The following TRMT10B variants were observed in gnomAD, a reference collection of about 807,000 sequenced individuals.
The protein encoded by TRMT10B is tRNA methyltransferase 10 homolog B.
A neutral mutation model predicts 43.8 loss-of-function variants in TRMT10B; 33 were observed. The observed-to-expected ratio is 0.75, with a 90% CI of 0.57 to 1.01. The LOEUF (loss-of-function observed/expected upper bound fraction) is 1.01, where lower values mean the gene tolerates loss of function less well. Ranked by LOEUF, TRMT10B falls within the 50% of genes least tolerant of loss-of-function variation. The pLI is 0.00. For missense variants in TRMT10B, 362 were observed against 369.8 expected (o/e 0.98, Z 0.17); for synonymous variants, 137 against 130.6 (o/e 1.05, Z -0.34).
chr9:37,775,960 C>G (rs1004309937), intron 7 of TRMT10B, among the ~76,000 whole-genome samples: 1 of 152,198 alleles, frequency 6.6e-6, no homozygotes, highest in Non-Finnish European at 1.5e-5. Flanking sequence ...TTCCAGATAT[C>G]CAGAATTGGG....
In TRMT10B at chr9:37,768,064, A is replaced by G; in HGVS notation, c.421-12A>G. 1 of 1,612,848 alleles carries G rather than the reference A, an allele frequency of 6.2e-7. No homozygotes were observed. The highest frequency in any genetic ancestry group is 2.2e-5 in the East Asian group (1 of 44,862). ...CATGTTTTTGCCCTGAGTTGTTCTT[A>G]TTTCTTTGAAGGAATTAAGTAGACT... On this transcript the variant is annotated splice_polypyrimidine_tract_variant and intron_variant, in intron 4 of 8. Coordinates refer to ENST00000297994, the MANE Select transcript of TRMT10B (RefSeq NM_144964.4).
chr9:37,769,949 A>G lies in TRMT10B; in HGVS notation c.582A>G (p.Ile194Met). The G allele has an allele frequency of 6.2e-7, 1 of 1,614,090 alleles. No homozygotes were observed. Among genetic ancestry groups the G allele is most frequent in the Non-Finnish European group, 8.5e-7 (1 of 1,179,944 alleles). The change falls in exon 6 of 9, where the codon ATA becomes ATG. Residue 194 changes from isoleucine (I) to methionine (M), a missense_variant. By Grantham distance (10) the Ile-to-Met change is conservative. Transcript: ENST00000297994. ...NDGFSSYLLD[I>M]TEEDCFSLFP... ...CTGTTTGCATTTTCCAGTTAGACAT[A>G]ACAGAAGAAGACTGCTTTAGTTTAT...
chr9:37,777,439 A>C (rs1357725699), intron 8 of TRMT10B, among the ~76,000 whole-genome samples, 162 bp from the exon 9 acceptor site: 1 of 151,168 alleles, frequency 6.6e-6, no homozygotes, highest in Non-Finnish European at 1.5e-5. Flanking sequence ...GAGGTCCTTG[A>C]GAGCAAGCAG....
Position 37,763,693 on chromosome 9 carries a change from C to T in TRMT10B, c.360C>T (p.Ala120=), listed in dbSNP as rs140247488. The T allele has an allele frequency of 6.2e-7, 1 of 1,614,014 alleles. No individual in the cohort carries two copies. The highest frequency in any genetic ancestry group is 8.5e-7 in the Non-Finnish European group (1 of 1,180,018). Residue 120 remains alanine, a synonymous_variant, in exon 4 of 9, where the codon GCC becomes GCT. Coordinates refer to ENST00000297994, the MANE Select transcript of TRMT10B (RefSeq NM_144964.4). ...TAACCAAAGACAAACTTTTGGAAGC[C>T]AAACACTCAGGACCAAGACTATGTA... The part of the protein sequence containing the change: ...RALTKDKLLE[A]KHSGPRLCID...
chr9:37,758,521 T>C (rs1161442599), intron 1 of TRMT10B, among the ~76,000 whole-genome samples: 2 of 152,216 alleles, frequency 1.3e-5, no homozygotes, highest in African/African-American at 4.8e-5. Context: ...ACCTTGACCA[T>C]ATAAAATTAA....
chr9:37,770,103 CAAG>C (rs926924497), intron 6 of TRMT10B, 84 bp downstream of exon 6: 21 of 1,223,746 alleles, frequency 1.7e-5, no homozygotes, highest in African/African-American at 1.5e-4. Flanking sequence ...TAAAGCCCCT[CAAG>C]AAGGACACCC....
intron 7 of TRMT10B, among the ~76,000 whole-genome samples, chr9:37,771,248 C>T (rs1033022576): frequency 7.2e-5 from 11 of 152,222 alleles, no homozygotes; most frequent in African/African-American, 2.6e-4. Flanking sequence ...TATTTACTAA[C>T]ATATTACATA....
chr9:37,777,193 T>TA (rs1564007716), intron 8 of TRMT10B, among the ~76,000 whole-genome samples: 1 of 14,256 alleles, frequency 7.0e-5, no homozygotes, highest in African/African-American at 4.3e-4. Context: ...CAACTCCGCC[T>TA]CAAAAAAAAA....
intron 1 of TRMT10B, among the ~76,000 whole-genome samples, chr9:37,759,546 G>C (rs1361533340): frequency 6.6e-6 from 1 of 152,232 alleles, no homozygotes; most frequent in Non-Finnish European, 1.5e-5. Flanking sequence ...GGCTGGGTGT[G>C]GTGGCTCACG....
At chr9:37,776,755 C>T (rs1027924041) in intron 8 of TRMT10B, among the ~76,000 whole-genome samples, 1 of 151,788 alleles carries the variant, frequency 6.6e-6, no homozygotes, top group Admixed American at 6.6e-5. Context: ...AAAAATCAGT[C>T]AGGCGTGGTG....
chr9:37,775,781 C>T (rs375836931), intron 7 of TRMT10B, among the ~76,000 whole-genome samples: 1 of 152,200 alleles, frequency 6.6e-6, no homozygotes, highest in Non-Finnish European at 1.5e-5. Context: ...AAGCAGTCCT[C>T]TGGCCTTGGC....
Position 37,768,226 on chromosome 9 carries a change from C to T in TRMT10B, c.571C>T (p.Leu191=), listed in dbSNP as rs377171696. 2 of 1,610,532 alleles carry T rather than the reference C, an allele frequency of 1.2e-6. No individual in the cohort carries two copies. Among genetic ancestry groups the T allele is most frequent in the Non-Finnish European group, 1.7e-6 (2 of 1,177,770 alleles). The part of the protein sequence containing the change: ...VRMNDGFSSY[L]LDITEEDCFS... ...GATGAATGATGGATTTTCTAGTTAC[C>T]TGGTAAGTCTCTTTTTGCATATTAT... The change falls in exon 5 of 9, where the codon CTG becomes TTG. Residue 191 remains leucine (L), a splice_region_variant and synonymous_variant. Transcript: ENST00000297994.
At chr9:37,753,056 A>T (rs895913493), upstream of TRMT10B, among the ~76,000 whole-genome samples, 43 of 151,608 alleles carry the variant, frequency 2.8e-4, no homozygotes, top group African/African-American at 8.2e-4. Context: ...GGCCCGTGTG[A>T]CCACGAACCC....
chr9:37,772,741 A>T (rs557767540), intron 7 of TRMT10B, among the ~76,000 whole-genome samples: 1 of 152,214 alleles, frequency 6.6e-6, no homozygotes, highest in Admixed American at 6.5e-5. Context: ...CCCAGCACTT[A>T]GGGAGGCCCA....
At chr9:37,766,895 G>C (rs1283407875) in intron 4 of TRMT10B, 1 of 152,192 alleles carries the variant, frequency 6.6e-6, no homozygotes, top group Non-Finnish European at 1.5e-5. Flanking sequence ...TGGTGTATAA[G>C]AATGCTTGTG....
intron 4 of TRMT10B, chr9:37,767,512 C>CAAAAAAAAAAAAAAAAAAAA (rs1376563452): frequency 1.2e-4 from 7 of 60,850 alleles, no homozygotes; most frequent in African/African-American, 1.7e-4. Context: ...GACCCTGTCT[C>CAAAAAAAAAAAAAAAAAAAA]CAAAAAAAAA....
rs1313706050 is a variant in TRMT10B at position 37,761,937 on chromosome 9, C to A, written c.6C>A (p.Asp2Glu). 6.2e-7 allele frequency: 1 copy of A among 1,612,610 alleles called. No individual in the cohort carries two copies. Among genetic ancestry groups the A allele is most frequent in the Non-Finnish European group, 8.5e-7 (1 of 1,178,956 alleles). Residue 2 changes from aspartate to glutamate, a missense_variant, in exon 2 of 9, where the codon GAC becomes GAA. Coordinates refer to ENST00000297994, the MANE Select transcript of TRMT10B (RefSeq NM_144964.4). Reference sequence around the variant, plus strand: ...AAGGACAGAGGACTAAGTCCATGGACTGGAAATTGGAAGGGAGTACTCAGA... The same window carrying A: ...AAGGACAGAGGACTAAGTCCATGGAATGGAAATTGGAAGGGAGTACTCAGA... M[D>E]WKLEGSTQKV...
chr9:37,777,469 C>T (rs1188155782), intron 8 of TRMT10B, 132 bp from the exon 9 acceptor site: 2 of 681,152 alleles, frequency 2.9e-6, no homozygotes, highest in Non-Finnish European at 4.9e-6. Context: ...CCTTGCCTCT[C>T]CCCGCAAGAC....
At chr9:37,756,235 GTT>G (rs1825658516) in intron 1 of TRMT10B, among the ~76,000 whole-genome samples, 1 of 152,174 alleles carries the variant, frequency 6.6e-6, no homozygotes, top group Non-Finnish European at 1.5e-5. Context: ...ATGGGTGTTG[GTT>G]TTCTCACCCT....
Sources: allele counts gnomAD v4.1 joint callset (sites outside exome capture counted in the v4.1 genomes callset), GRCh38; gene constraint gnomAD v4.1.1; transcripts MANE v1.5; gene names NCBI Gene and HGNC (gene_info 2026-07-23, HGNC 2026-07-21).